Variants in IL1RL2 observed in about 807,000 individuals in gnomAD.
IL1RL2 encodes the protein interleukin 1 receptor like 2, also known as interleukin-1 receptor-like 2.
A neutral mutation model predicts 66.8 loss-of-function variants in IL1RL2; 68 were observed. That is an observed-to-expected ratio of 1.02 (90% CI 0.84 to 1.25). The LOEUF (loss-of-function observed/expected upper bound fraction) is 1.25, where lower values mean the gene tolerates loss of function less well. IL1RL2 is among the 50% of genes most tolerant of loss of function. The pLI is 0.00. For missense variants in IL1RL2, 729 were observed against 709.3 expected, an observed-to-expected ratio of 1.03 and a Z score of -0.32; for synonymous variants, 305 against 264.6, an observed-to-expected ratio of 1.15 and a Z score of -1.48.
At chr2:102,228,884 C>T (rs1429663575) in intron 9 of IL1RL2, among the ~76,000 whole-genome samples, 1 of 151,994 alleles carries the variant, frequency 6.6e-6, no homozygotes, top group African/African-American at 2.4e-5. Context: ...GATTTTTTTT[C>T]CCCCACAGGG....
chr2:102,225,843 C>T, intron 8 of IL1RL2, 55 bp from the exon 9 acceptor site: 3 of 1,364,226 alleles, frequency 2.2e-6, no homozygotes, highest in Non-Finnish European at 2.9e-6. Flanking sequence ...ATAATGGACT[C>T]TTTGTTTCAT....
intron 11 of IL1RL2, among the ~76,000 whole-genome samples, chr2:102,238,363 G>T (rs1159865674): frequency 6.6e-6 from 1 of 152,166 alleles, no homozygotes; most frequent in East Asian, 1.9e-4. Flanking sequence ...GGAAGGTGTG[G>T]TCTTTCCCCG....
At chr2:102,230,361 G>T (rs139535936) in intron 9 of IL1RL2, among the ~76,000 whole-genome samples, 1 of 152,302 alleles carries the variant, frequency 6.6e-6, no homozygotes, top group East Asian at 1.9e-4. Flanking sequence ...CGGTGGCCCT[G>T]ATCAGTGACC....
At chr2:102,231,638 C>T (rs1249856738) in intron 9 of IL1RL2, among the ~76,000 whole-genome samples, 1 of 151,714 alleles carries the variant, frequency 6.6e-6, no homozygotes, top group Non-Finnish European at 1.5e-5. Flanking sequence ...TGACTCTCGT[C>T]GCCTCGTAGA....
chr2:102,228,779 A>G (rs1438145474), intron 9 of IL1RL2, among the ~76,000 whole-genome samples: 2 of 152,248 alleles, frequency 1.3e-5, no homozygotes, highest in East Asian at 3.8e-4. Flanking sequence ...AGCTAAAGCA[A>G]AGGCAATGAC....
chr2:102,187,207 C>G (rs975056532), intron 1 of IL1RL2, 121 bp downstream of exon 1: 10 of 1,219,294 alleles, frequency 8.2e-6, no homozygotes, highest in Non-Finnish European at 1.1e-5. Context: ...ATCAGGCCCC[C>G]CAGGCCGGCC....
intron 8 of IL1RL2, among the ~76,000 whole-genome samples, chr2:102,222,620 G>A (rs1398121152): frequency 2.0e-5 from 3 of 152,272 alleles, no homozygotes; most frequent in South Asian, 2.1e-4. Context: ...TGGGTCTTTT[G>A]TGAGCTCATA....
rs1396382063 is a variant in IL1RL2, at chr2:102,209,026, T to C, written c.650-3074T>C. Among the ~76,000 whole-genome samples, 5 of 152,322 alleles carry C rather than the reference T, an allele frequency of 3.3e-5. No individual in the cohort carries two copies. In the East Asian group the frequency reaches 7.7e-4, roughly 24 times the overall value. On this transcript the variant is annotated intron_variant, in intron 5 of 11. Transcript: ENST00000264257. Reference sequence around the variant, plus strand: ...ACAGATCTATTTATTAAGTGAATGATTGACTACTATAATGCATTAATGTTA... The same window carrying C: ...ACAGATCTATTTATTAAGTGAATGACTGACTACTATAATGCATTAATGTTA...
intron 5 of IL1RL2, among the ~76,000 whole-genome samples, chr2:102,206,380 G>A (rs1688702089): frequency 6.6e-6 from 1 of 152,140 alleles, no homozygotes; most frequent in Admixed American, 6.5e-5. Context: ...ATTTGTACTT[G>A]TCCTTCTTGG....
At chr2:102,187,476 C>A (rs1396493197) in intron 1 of IL1RL2, 2 of 849,334 alleles carry the variant, frequency 2.4e-6, no homozygotes, top group South Asian at 2.2e-5. Context: ...TGGGGTCCCA[C>A]GTCTGGAACC....
intron 8 of IL1RL2, among the ~76,000 whole-genome samples, chr2:102,220,710 C>T (rs568577725): frequency 2.9e-4 from 43 of 147,680 alleles, no homozygotes; most frequent in East Asian, 1.0e-3. Context: ...TGTTTGCACA[C>T]GCACGTGTGT....
chr2:102,210,461 G>A (rs1373834213), intron 5 of IL1RL2, among the ~76,000 whole-genome samples: 1 of 152,194 alleles, frequency 6.6e-6, no homozygotes, highest in Non-Finnish European at 1.5e-5. Context: ...ACTGGCCGCT[G>A]TGCACAGAAT....
In IL1RL2 at chr2:102,237,277, C is replaced by T. The variant is rs536604287; in HGVS notation, c.1679-1915C>T. 4.6e-5 allele frequency among the ~76,000 whole-genome samples: 7 copies of T among 152,328 alleles called. No individual in the cohort carries two copies. In the South Asian group the frequency reaches 1.2e-3, roughly 27 times the overall value. On this transcript the variant is annotated intron_variant, in intron 11 of 11. Coordinates refer to ENST00000264257, the MANE Select transcript of IL1RL2 (RefSeq NM_003854.4). ...TATTCCCCAAATCCTCACCAAACCA[C>T]GAGCCAGTGACCACTCACCCTTTGC...
chr2:102,205,283 A>T (rs1209004510), intron 5 of IL1RL2, among the ~76,000 whole-genome samples: 1 of 152,154 alleles, frequency 6.6e-6, no homozygotes, highest in Non-Finnish European at 1.5e-5. Flanking sequence ...GGATAAGAAC[A>T]GTTTCACACC....
chr2:102,234,320 T>C (rs1674643884), intron 10 of IL1RL2, among the ~76,000 whole-genome samples: 2 of 152,170 alleles, frequency 1.3e-5, no homozygotes, highest in Non-Finnish European at 2.9e-5. Context: ...CATCAGATAC[T>C]TGTTGGCCAG....
rs1444430279 is a variant in IL1RL2, at chr2:102,209,748, A to T, written c.650-2352A>T. Among the ~76,000 whole-genome samples the T allele has an allele frequency of 2.0e-5, 3 of 152,198 alleles. No homozygotes were observed. In the East Asian group the frequency reaches 5.8e-4, roughly 29 times the overall value. ...ATCAGTATTGAGATGATTTGAAGCC[A>T]GAGTTGAAGAGGGCCTGGCAGCTTG... is the stretch of plus-strand genomic sequence containing the variant. On this transcript the variant is annotated intron_variant, in intron 5 of 11. Transcript: ENST00000264257.
At chr2:102,195,627 TTCTCTCTCTCTCTCTCTC>T (rs1159940295) in intron 4 of IL1RL2, among the ~76,000 whole-genome samples, 4 of 14,638 alleles carry the variant, frequency 2.7e-4, no homozygotes, top group African/African-American at 3.6e-4. Flanking sequence ...CTTTCTTTCT[TTCTCTCTCTCTCTCTCTC>T]TCTTTCTTTC....
chr2:102,237,140 C>G (rs1178469941), intron 11 of IL1RL2, among the ~76,000 whole-genome samples: 3 of 152,208 alleles, frequency 2.0e-5, no homozygotes, highest in Non-Finnish European at 4.4e-5. Flanking sequence ...GTACCTCTCC[C>G]ACTCTCCCCA....
intron 5 of IL1RL2, among the ~76,000 whole-genome samples, chr2:102,205,757 T>C (rs1408452313): frequency 6.6e-6 from 1 of 152,150 alleles, no homozygotes; most frequent in Admixed American, 6.5e-5. Flanking sequence ...CCTTCTTGTA[T>C]TTGGGGACTG....
Sources: gnomAD v4.1 joint callset for allele counts (sites outside exome capture counted in the v4.1 genomes callset) on GRCh38, gnomAD v4.1.1 for gene constraint, MANE v1.5 for transcripts, NCBI Gene and HGNC (gene_info 2026-07-23, HGNC 2026-07-21) for gene names.